The following PPARD variants were observed in gnomAD, a reference collection of about 807,000 sequenced individuals.
PPARD encodes peroxisome proliferator-activated receptor delta.
Under a neutral mutation model 39.5 loss-of-function variants are expected in PPARD, and 6 were observed. The observed-to-expected ratio is 0.15, with a 90% CI of 0.08 to 0.30. PPARD has a LOEUF of 0.30. Among genes scored for constraint, PPARD ranks in the 10% least tolerant of loss-of-function variants. The probability of loss-of-function intolerance (pLI) is 1.00; values close to 1 mark genes in which losing one functional copy is unlikely to be tolerated. For missense variants in PPARD, 397 were observed against 596.8 expected, an observed-to-expected ratio of 0.67 and a Z score of 3.49; for synonymous variants, 210 against 231.3, an observed-to-expected ratio of 0.91 and a Z score of 0.83.
At chr6:35,358,775 T>G (rs1295234620) in intron 2 of PPARD, among the ~76,000 whole-genome samples, 1 of 152,194 alleles carries the variant, frequency 6.6e-6, no homozygotes, top group Non-Finnish European at 1.5e-5. Flanking sequence ...TGATTCTAAT[T>G]CCATCTTCCC....
intron 2 of PPARD, among the ~76,000 whole-genome samples, chr6:35,383,657 T>G (rs1262551861): frequency 3.7e-5 from 5 of 133,450 alleles, no homozygotes; most frequent in Non-Finnish European, 6.0e-5. Context: ...TCGTCTGAGA[T>G]GTGGGGAGCG....
chr6:35,359,704 T>C (rs1372081452), intron 2 of PPARD, among the ~76,000 whole-genome samples: 1 of 152,180 alleles, frequency 6.6e-6, no homozygotes, highest in Non-Finnish European at 1.5e-5. Context: ...CTAGTAACGA[T>C]CTGAGTAGAA....
At chr6:35,417,772 C>T (rs934314429) in intron 3 of PPARD, among the ~76,000 whole-genome samples, 16 of 152,144 alleles carry the variant, frequency 1.1e-4, no homozygotes, top group African/African-American at 3.1e-4. Context: ...CCTCGTGATC[C>T]GCCCGCGTCG....
rs368703665 is a variant in PPARD, at chr6:35,426,170, A to G, written c.*91A>G. 39 of 1,515,214 alleles carry G rather than the reference A, an allele frequency of 2.6e-5. No homozygotes were observed. In the African/African-American group the frequency reaches 4.0e-4, roughly 15 times the overall value. The allele number at this position is 1,515,214 out of a possible 1,614,324, so 93.9% of individuals were successfully genotyped here. A position where few individuals can be genotyped will look rare whatever the true frequency, so the allele number is the denominator to read the frequency against. On this transcript the variant is annotated 3_prime_UTR_variant, in exon 8 of 8. Coordinates refer to ENST00000360694, the MANE Select transcript of PPARD (RefSeq NM_006238.5). Reference sequence around the variant, plus strand: ...CTTTTCCATTGACCAGCCCTTGAGCACCCGGCCTGGAGCAGCAGAGTCCCA... The same window carrying G: ...CTTTTCCATTGACCAGCCCTTGAGCGCCCGGCCTGGAGCAGCAGAGTCCCA...
chr6:35,350,909 G>A lies in PPARD; in HGVS notation c.-102+3759G>A, dbSNP rs1761207577. 2.0e-5 allele frequency among the ~76,000 whole-genome samples: 3 copies of A among 152,318 alleles called. No individual in the cohort carries two copies. The South Asian group carries it at 6.2e-4, about 32-fold the overall frequency. The stretch of plus-strand genomic sequence containing the variant: ...CCCAAAGTGCTGGGATTACAGGCAT[G>A]AGCCACCGCGCCTGGGCGAAAGATG... On this transcript the variant is annotated intron_variant, in intron 2 of 7. Transcript: ENST00000360694.
At position 35,415,122 on chromosome 6, in the gene PPARD, A is replaced by T. The variant is rs1765666539; in HGVS notation, c.130+3905A>T. On this transcript the variant is annotated intron_variant, in intron 3 of 7. Transcript: ENST00000360694. The stretch of plus-strand genomic sequence containing the variant: ...AAGTGTCCTTCCTCCTGGCCTCAGC[A>T]CCTCCTCACTTGGCAAGCACTTGGT... Among the ~76,000 whole-genome samples the T allele has an allele frequency of 2.0e-5, 3 of 152,076 alleles. No homozygotes were observed. The South Asian group carries it at 6.2e-4, about 31-fold the overall frequency.
intron 2 of PPARD, chr6:35,348,675 CCTGTGTCTCT>C (rs949584216): frequency 2.1e-4 from 210 of 985,336 alleles, no homozygotes; most frequent in Non-Finnish European, 2.5e-4. Flanking sequence ...GTGGTGAGTC[CCTGTGTCTCT>C]CTGTCTGTGG....
chr6:35,365,127 A>ACTCTTTTTTT (rs1762133628), intron 2 of PPARD, among the ~76,000 whole-genome samples: 2 of 108,666 alleles, frequency 1.8e-5, no homozygotes, highest in African/African-American at 9.3e-5. Flanking sequence ...GAGCTTCCTT[A>ACTCTTTTTTT]TTCTTTTTTT....
intron 2 of PPARD, among the ~76,000 whole-genome samples, chr6:35,410,055 A>G (rs1765328515): frequency 6.6e-6 from 1 of 152,224 alleles, no homozygotes. Context: ...GTGGGTTGCT[A>G]AAGTAAAGAT....
At chr6:35,348,391 A>C (rs1186308206) in intron 2 of PPARD, 1 of 985,298 alleles carries the variant, frequency 1.0e-6, no homozygotes, top group Admixed American at 6.1e-5. Flanking sequence ...AAGAGTCTGA[A>C]CAATGCTCTG....
intron 3 of PPARD, 102 bp downstream of exon 3, chr6:35,411,319 G>T (rs749109126): frequency 1.0e-5 from 13 of 1,304,934 alleles, no homozygotes; most frequent in Non-Finnish European, 1.3e-5. Flanking sequence ...GCGCAGAGTA[G>T]CAGAGTGCTG....
chr6:35,420,187 G>A lies in PPARD; in HGVS notation c.191G>A (p.Gly64Glu), dbSNP rs777461029. ...LLDQLQMGCD[G>E]ASCGSLNMEC... Reference sequence around the variant, plus strand: ...GACCAACTGCAGATGGGCTGTGACGGGGCCTCATGCGGCAGCCTCAACATG... The same window carrying A: ...GACCAACTGCAGATGGGCTGTGACGAGGCCTCATGCGGCAGCCTCAACATG... The change falls in exon 4 of 8, where the codon GGG (glycine) becomes GAG (glutamate). Residue 64 changes from glycine (G) to glutamate (E), a missense_variant. Transcript: ENST00000360694. 6.2e-7 allele frequency: 1 copy of A among 1,613,514 alleles called. No individual in the cohort carries two copies. The highest frequency in any genetic ancestry group is 8.5e-7 in the Non-Finnish European group (1 of 1,179,760).
Position 35,427,057 on chromosome 6 carries a change from T to A in PPARD, c.*978T>A, listed in dbSNP as rs1766622987. ...AGGACTCGGGGTCTGAGTCCTGGGG[T>A]CAGGCCAGGGAGAGCTCGGGGCAGG... is the stretch of plus-strand genomic sequence containing the variant. On this transcript the variant is annotated 3_prime_UTR_variant, in exon 8 of 8. Coordinates refer to ENST00000360694, the MANE Select transcript of PPARD (RefSeq NM_006238.5). 1 of 152,244 alleles carries A rather than the reference T, an allele frequency of 6.6e-6. No individual in the cohort carries two copies. Among genetic ancestry groups the A allele is most frequent in the Admixed American group, 6.6e-5 (1 of 15,264 alleles). 9.4% of individuals were successfully genotyped at this position (152,244 alleles called of 1,614,324 possible). A position where few individuals can be genotyped will look rare whatever the true frequency, so the allele number is the denominator to read the frequency against.
chr6:35,394,373 A>G (rs1369862861), intron 2 of PPARD, among the ~76,000 whole-genome samples: 2 of 152,180 alleles, frequency 1.3e-5, no homozygotes, highest in Non-Finnish European at 2.9e-5. Flanking sequence ...AGCTTTTTCT[A>G]CTTCATCTTA....
intron 2 of PPARD, among the ~76,000 whole-genome samples, chr6:35,375,611 G>A (rs1005919067): frequency 6.6e-6 from 1 of 152,104 alleles, no homozygotes; most frequent in East Asian, 1.9e-4. Context: ...GTGCAGTGGT[G>A]TGATCACAGC....
chr6:35,371,046 C>T (rs1762456395), intron 2 of PPARD, among the ~76,000 whole-genome samples: 1 of 152,212 alleles, frequency 6.6e-6, no homozygotes, highest in Non-Finnish European at 1.5e-5. Context: ...CTTGGCCAAG[C>T]TCTCAAGCAT....
At chr6:35,378,792 A>C (rs1762962981) in intron 2 of PPARD, among the ~76,000 whole-genome samples, 1 of 152,120 alleles carries the variant, frequency 6.6e-6, no homozygotes, top group African/African-American at 2.4e-5. Flanking sequence ...TTTCTACCCT[A>C]CTGCGACTTA....
At chr6:35,384,888 C>T (rs1203486657) in intron 2 of PPARD, among the ~76,000 whole-genome samples, 5 of 124,322 alleles carry the variant, frequency 4.0e-5, no homozygotes, top group Non-Finnish European at 6.7e-5. Flanking sequence ...GTGAGGGGCG[C>T]CTCTGCCTGG....
intron 1 of PPARD, among the ~76,000 whole-genome samples, chr6:35,343,979 A>G (rs1039996402): frequency 7.1e-6 from 1 of 141,824 alleles, no homozygotes; most frequent in African/African-American, 3.2e-5. Flanking sequence ...TACTGGCTCC[A>G]GAACTTTTTT....
Sources: allele counts gnomAD v4.1 joint callset (sites outside exome capture counted in the v4.1 genomes callset), GRCh38; gene constraint gnomAD v4.1.1; transcripts MANE v1.5; gene names NCBI Gene and HGNC (gene_info 2026-07-23, HGNC 2026-07-21).